Variants in KIAA1217 observed in about 807,000 individuals in gnomAD.
The protein encoded by KIAA1217 is KIAA1217, also known as sickle tail protein homolog.
A neutral mutation model predicts 163.9 loss-of-function variants in KIAA1217; 88 were observed. That is an observed-to-expected ratio of 0.54 (90% CI 0.45 to 0.64). The LOEUF (loss-of-function observed/expected upper bound fraction) is 0.64, where lower values mean the gene tolerates loss of function less well. Among genes scored for constraint, KIAA1217 ranks in the 30% least tolerant of loss-of-function variants. The pLI, the probability that KIAA1217 is intolerant of heterozygous loss-of-function variation, is 0.00. For synonymous variants in KIAA1217, 903 were observed against 923.1 expected (o/e 0.98, Z 0.39); for missense variants, 2,372 against 2,475.0 (o/e 0.96, Z 0.88).
At chr10:24,137,545 G>A (rs1336546947) in intron 2 of KIAA1217, among the ~76,000 whole-genome samples, 2 of 152,100 alleles carry the variant, frequency 1.3e-5, no homozygotes, top group African/African-American at 2.4e-5. Flanking sequence ...GAATCAAAAC[G>A]TTTGCCCAGA....
chr10:24,370,317 T>C (rs1271396089), intron 2 of KIAA1217, among the ~76,000 whole-genome samples: 1 of 133,342 alleles, frequency 7.5e-6, no homozygotes, highest in Non-Finnish European at 1.6e-5. Flanking sequence ...ACACTGAAAA[T>C]CAAAAAGCAA....
intron 2 of KIAA1217, among the ~76,000 whole-genome samples, chr10:24,242,973 G>A (rs1473919586): frequency 6.6e-6 from 1 of 152,076 alleles, no homozygotes; most frequent in East Asian, 1.9e-4. Flanking sequence ...ACATATTCTG[G>A]ACATTAGACC....
intron 1 of KIAA1217, among the ~76,000 whole-genome samples, chr10:23,808,324 C>G (rs1366842861): frequency 6.6e-6 from 1 of 152,000 alleles, no homozygotes; most frequent in Middle Eastern, 3.2e-3. Context: ...GAATTAGGCC[C>G]AACAAATGGT....
At chr10:24,190,141 C>T (rs144983112) in intron 2 of KIAA1217, among the ~76,000 whole-genome samples, 27 of 151,980 alleles carry the variant, frequency 1.8e-4, no homozygotes, top group African/African-American at 6.3e-4. Context: ...CCTCTCTTTG[C>T]GGCAGGCGTT....
chr10:24,047,946 A>C (rs1037292650), intron 2 of KIAA1217, among the ~76,000 whole-genome samples: 1 of 152,224 alleles, frequency 6.6e-6, no homozygotes, highest in Non-Finnish European at 1.5e-5. Context: ...AATAAGGAGC[A>C]AGCTGATAAT....
chr10:24,344,071 T>TG (rs1316446202), intron 2 of KIAA1217, among the ~76,000 whole-genome samples: 4 of 152,204 alleles, frequency 2.6e-5, no homozygotes, highest in Non-Finnish European at 5.9e-5. Context: ...AAGAGGCCTC[T>TG]TTGTTTCCAT....
At chr10:24,029,467 G>T (rs1203428037) in intron 2 of KIAA1217, among the ~76,000 whole-genome samples, 1 of 152,056 alleles carries the variant, frequency 6.6e-6, no homozygotes, top group Non-Finnish European at 1.5e-5. Context: ...CAAGTGCAGG[G>T]TCCTCAGTGG....
intron 2 of KIAA1217, among the ~76,000 whole-genome samples, chr10:24,333,478 T>G (rs1350714028): frequency 6.6e-6 from 1 of 152,204 alleles, no homozygotes; most frequent in Non-Finnish European, 1.5e-5. Flanking sequence ...GCAGGTTTGT[T>G]GCCTGGGCAT....
At chr10:23,931,523 C>T (rs1471695253) in intron 1 of KIAA1217, among the ~76,000 whole-genome samples, 1 of 152,184 alleles carries the variant, frequency 6.6e-6, no homozygotes, top group African/African-American at 2.4e-5. Flanking sequence ...AGACTGGAAA[C>T]TCCTTGAAAT....
At chr10:23,958,352 G>T (rs897239272) in intron 1 of KIAA1217, among the ~76,000 whole-genome samples, 1 of 152,126 alleles carries the variant, frequency 6.6e-6, no homozygotes, top group South Asian at 2.1e-4. Flanking sequence ...CAAAAAATTG[G>T]GGCAAGCACA....
chr10:24,511,813 A>T (rs1289483583), intron 9 of KIAA1217, among the ~76,000 whole-genome samples: 2 of 152,210 alleles, frequency 1.3e-5, no homozygotes, highest in Non-Finnish European at 2.9e-5. Flanking sequence ...GTTCCCTCCC[A>T]GACAAAATGC....
chr10:24,422,783 C>T (rs1488954198), intron 3 of KIAA1217, among the ~76,000 whole-genome samples: 2 of 152,164 alleles, frequency 1.3e-5, no homozygotes, highest in Admixed American at 6.6e-5. Flanking sequence ...AAGGGGTAAG[C>T]CCCAGGGCTT....
intron 3 of KIAA1217, among the ~76,000 whole-genome samples, chr10:24,398,653 T>A (rs1334465743): frequency 2.0e-5 from 3 of 152,120 alleles, no homozygotes; most frequent in African/African-American, 7.2e-5. Context: ...TTCAGGGGTC[T>A]TGTGTCCTTT....
intron 2 of KIAA1217, among the ~76,000 whole-genome samples, chr10:24,372,057 G>C (rs1410336649): frequency 2.6e-5 from 4 of 152,270 alleles, no homozygotes; most frequent in Admixed American, 2.6e-4. Flanking sequence ...CCTGGAGTGG[G>C]GAGGCAGGAG....
At chr10:24,043,413 A>T (rs1212908924) in intron 2 of KIAA1217, among the ~76,000 whole-genome samples, 2 of 152,156 alleles carry the variant, frequency 1.3e-5, no homozygotes, top group African/African-American at 4.8e-5. Flanking sequence ...TATGACAAAC[A>T]AATACGCAAT....
chr10:24,131,972 A>G (rs1471047817), intron 2 of KIAA1217, among the ~76,000 whole-genome samples: 1 of 152,250 alleles, frequency 6.6e-6, no homozygotes, highest in Non-Finnish European at 1.5e-5. Context: ...TGTGGTTATT[A>G]CACACAGCAT....
chr10:24,521,047 T>G (rs10458685), intron 11 of KIAA1217, among the ~76,000 whole-genome samples: 11,831 of 145,630 alleles, frequency 0.081, 690 homozygotes, highest in East Asian at 0.13. Context: ...AAAAAGTTTT[T>G]TTTTTTTTTT....
chr10:23,951,872 C>A (rs1481284239), intron 1 of KIAA1217, among the ~76,000 whole-genome samples: 1 of 152,192 alleles, frequency 6.6e-6, no homozygotes, highest in East Asian at 1.9e-4. Flanking sequence ...CCTCAGAGAA[C>A]TGCAAAGCTA....
At position 24,203,200 on chromosome 10, in the gene KIAA1217, AAAG is replaced by A. The variant is rs950563584; in HGVS notation, c.-170-16415_-170-16413del. ...AAAACTTGTCAAAAAAAAAAAAAAGAAAGAAGAAGAAGAGAGATACCTCCCCTT... is the reference window on the plus strand; with the variant it reads ...AAAACTTGTCAAAAAAAAAAAAAAGAAAGAAGAAGAGAGATACCTCCCCTT... On this transcript the variant is annotated intron_variant, in intron 2 of 18. Transcript: ENST00000376462. 1.5e-4 allele frequency among the ~76,000 whole-genome samples: 22 copies of A among 151,084 alleles called. 1 individual carries two copies. The highest frequency in any genetic ancestry group is 3.9e-4 in the African/African-American group (16 of 41,286).
Sources: allele counts gnomAD v4.1 joint callset (sites outside exome capture counted in the v4.1 genomes callset), GRCh38; gene constraint gnomAD v4.1.1; transcripts MANE v1.5; gene names NCBI Gene and HGNC (gene_info 2026-07-23, HGNC 2026-07-21).